The following IGFL2 variants were observed in gnomAD, a reference collection of about 807,000 sequenced individuals.
IGFL2 encodes the protein insulin growth factor-like family member 2.
Under a neutral mutation model 13.9 loss-of-function variants are expected in IGFL2, and 7 were observed. The ratio of observed to expected loss-of-function variants is 0.51; its 90% CI spans 0.29 to 0.95. The LOEUF (loss-of-function observed/expected upper bound fraction) is 0.95, where lower values mean the gene tolerates loss of function less well. IGFL2 is among the 40% of genes least tolerant of loss of function. The probability of loss-of-function intolerance (pLI) is 0.08; values close to 1 mark genes in which losing one functional copy is unlikely to be tolerated. For synonymous variants in IGFL2, 55 were observed against 55.8 expected (o/e 0.99, Z 0.07); for missense variants, 138 against 147.8 (o/e 0.93, Z 0.34).
the IGFL2 span, chr19:46,180,790 A>G: frequency 6.6e-6 from 1 of 152,266 alleles, no homozygotes; most frequent in Non-Finnish European, 1.5e-5. Context: ...AGGGTCCAAA[A>G]GTCAAAGAAC....
chr19:46,084,430 T>C, the IGFL2 span, among the ~76,000 whole-genome samples: 1 of 152,340 alleles, frequency 6.6e-6, no homozygotes, highest in South Asian at 2.1e-4. Context: ...TCTCTCTCTT[T>C]ACTATTACTG....
chr19:46,204,321 T>TC, the IGFL2 span: 1 of 151,668 alleles, frequency 6.6e-6, no homozygotes, highest in Non-Finnish European at 1.5e-5. Context: ...GGCCTGGGAC[T>TC]GGGGGGGGTT....
chr19:46,178,243 C>A, the IGFL2 span, among the ~76,000 whole-genome samples: 1 of 151,830 alleles, frequency 6.6e-6, no homozygotes, highest in South Asian at 2.1e-4. Flanking sequence ...TGCCACTGCA[C>A]TCCAGCCTGG....
chr19:46,186,314 C>T, the IGFL2 span, among the ~76,000 whole-genome samples: 6 of 152,310 alleles, frequency 3.9e-5, no homozygotes, highest in Admixed American at 6.5e-5. Flanking sequence ...ACTTGTCGGG[C>T]GCCACCTGGC....
At chr19:46,136,473 G>GA in the IGFL2 span, among the ~76,000 whole-genome samples, 136 of 151,986 alleles carry the variant, frequency 8.9e-4, 2 homozygotes, top group African/African-American at 2.7e-3. Flanking sequence ...AAGGAAAGGG[G>GA]AAAAAATCAC....
At chr19:46,188,561 G>T in the IGFL2 span, among the ~76,000 whole-genome samples, 2 of 152,252 alleles carry the variant, frequency 1.3e-5, no homozygotes, top group Middle Eastern at 3.4e-3. Context: ...TCTCTATACT[G>T]AGGCTTACAA....
At chr19:46,116,952 CTTATA>C in the IGFL2 span, among the ~76,000 whole-genome samples, 6,037 of 151,982 alleles carry the variant, frequency 0.04, 192 homozygotes, top group African/African-American at 0.083. Context: ...ACTTGTTTAT[CTTATA>C]TTAAATTAGG....
At chr19:46,145,744 GTTGAACAACTT>G (rs1481045533), upstream of IGFL2, among the ~76,000 whole-genome samples, 2 of 151,944 alleles carry the variant, frequency 1.3e-5, no homozygotes, top group African/African-American at 4.8e-5. Flanking sequence ...GGCTAATGGT[GTTGAACAACTT>G]TTCATGTGCT....
At chr19:46,166,874 A>G in the IGFL2 span, among the ~76,000 whole-genome samples, 1 of 152,200 alleles carries the variant, frequency 6.6e-6, no homozygotes, top group African/African-American at 2.4e-5. Context: ...AATTGCTGTT[A>G]TCCTGTTCTT....
chr19:46,120,354 G>T, the IGFL2 span: 9 of 1,611,016 alleles, frequency 5.6e-6, 2 homozygotes, highest in Non-Finnish European at 7.6e-6. Flanking sequence ...CGTGCCTCCT[G>T]TTCCTATCAC....
upstream of IGFL2, among the ~76,000 whole-genome samples, chr19:46,142,049 C>T (rs1004652311): frequency 2.6e-5 from 4 of 152,156 alleles, no homozygotes; most frequent in African/African-American, 9.7e-5. Flanking sequence ...TCTCTCATGA[C>T]TTTAGGGACC....
At chr19:46,200,329 G>T in the IGFL2 span, among the ~76,000 whole-genome samples, 1 of 151,656 alleles carries the variant, frequency 6.6e-6, no homozygotes, top group South Asian at 2.1e-4. Flanking sequence ...CATTATGCCC[G>T]GCTAATTCTA....
the IGFL2 span, among the ~76,000 whole-genome samples, chr19:46,089,874 G>T: frequency 1.3e-5 from 2 of 151,932 alleles, no homozygotes; most frequent in African/African-American, 4.8e-5. Flanking sequence ...TGACCTTCTT[G>T]TACCTGGATA....
the IGFL2 span, among the ~76,000 whole-genome samples, chr19:46,090,775 G>A: frequency 4.5e-3 from 679 of 152,328 alleles, 7 homozygotes; most frequent in African/African-American, 0.015. Context: ...GATTGAGCTG[G>A]CCTTGCAGGG....
At chr19:46,213,770 C>G in the IGFL2 span, 1 of 155,122 alleles carries the variant, frequency 6.4e-6, no homozygotes, top group Admixed American at 6.5e-5. Context: ...GTCCACTCAC[C>G]CCATCTTCCC....
At chr19:46,138,799 A>T (rs1441024121), upstream of IGFL2, among the ~76,000 whole-genome samples, 1 of 152,084 alleles carries the variant, frequency 6.6e-6, no homozygotes, top group Non-Finnish European at 1.5e-5. Flanking sequence ...CTCGTATCAG[A>T]CTGGCCCCAT....
chr19:46,096,202 G>C, the IGFL2 span, among the ~76,000 whole-genome samples: 1 of 152,172 alleles, frequency 6.6e-6, no homozygotes, highest in Admixed American at 6.5e-5. Flanking sequence ...TCCTTGAGCA[G>C]TGGTTAGTAG....
At chr19:46,120,717 C>T in the IGFL2 span, among the ~76,000 whole-genome samples, 1 of 150,820 alleles carries the variant, frequency 6.6e-6, no homozygotes, top group Non-Finnish European at 1.5e-5. Context: ...CAAGGAGATA[C>T]AGATATTATA....
the IGFL2 span, among the ~76,000 whole-genome samples, chr19:46,085,479 T>G: frequency 2.0e-5 from 3 of 152,212 alleles, no homozygotes; most frequent in Non-Finnish European, 2.9e-5. Context: ...TGTTCTCTGT[T>G]TGCTTGATAG....
Sources: gnomAD v4.1 joint callset for allele counts (sites outside exome capture counted in the v4.1 genomes callset) on GRCh38, gnomAD v4.1.1 for gene constraint, MANE v1.5 for transcripts, NCBI Gene and HGNC (gene_info 2026-07-23, HGNC 2026-07-21) for gene names.